Variants in TMEM132B observed in about 807,000 individuals in gnomAD.
The protein encoded by TMEM132B is transmembrane protein 132B.
A neutral mutation model predicts 90.8 loss-of-function variants in TMEM132B; 18 were observed. The observed-to-expected ratio is 0.20, with a 90% confidence interval of 0.14 to 0.29. The LOEUF (loss-of-function observed/expected upper bound fraction) is 0.29. Ranked by LOEUF, TMEM132B falls within the 10% of genes least tolerant of loss-of-function variation. The probability of loss-of-function intolerance (pLI) is 1.00; values close to 1 mark genes in which losing one functional copy is unlikely to be tolerated. For missense variants in TMEM132B, 1,096 were observed against 1,326.8 expected, an observed-to-expected ratio of 0.83 and a Z score of 2.70; for synonymous variants, 504 against 523.3, an observed-to-expected ratio of 0.96 and a Z score of 0.50.
intron 1 of TMEM132B, among the ~76,000 whole-genome samples, chr12:125,248,435 G>GT (rs1313513226): frequency 6.6e-6 from 1 of 152,104 alleles, no homozygotes; most frequent in Non-Finnish European, 1.5e-5. Context: ...TTTTAGATAG[G>GT]TTACCAGGGG....
chr12:125,423,019 A>C (rs900599212), intron 3 of TMEM132B, among the ~76,000 whole-genome samples: 1 of 152,170 alleles, frequency 6.6e-6, no homozygotes, highest in South Asian at 2.1e-4. Flanking sequence ...CCCATCAGTC[A>C]CCTGGGAGTC....
intron 4 of TMEM132B, among the ~76,000 whole-genome samples, chr12:125,528,960 C>CCT (rs113098770): frequency 0.045 from 5,669 of 126,590 alleles, 288 homozygotes; most frequent in African/African-American, 0.13. Flanking sequence ...CTCCTTTCTT[C>CCT]CCCCCTCTTT....
intron 7 of TMEM132B, 141 bp from the exon 8 acceptor site, chr12:125,652,300 C>A: frequency 1.5e-6 from 1 of 683,614 alleles, no homozygotes; most frequent in African/African-American, 1.8e-5. Context: ...TGAACAACGG[C>A]ATAATACTTC....
rs955734810 is a variant in TMEM132B at position 125,460,521 on chromosome 12, A to T, written c.1106+44844A>T. On this transcript the variant is annotated intron_variant, in intron 3 of 8. Transcript: ENST00000682704. The surrounding 1 kb of genome is among the most constrained non-coding windows in gnomAD (Gnocchi z 4.4). ...AAATAAAAAGTAAAAAATAAAAAAA[A>T]ATCTACCAAGAATACATCTTAATTT... Among the ~76,000 whole-genome samples, 5 of 152,142 alleles carry T rather than the reference A, an allele frequency of 3.3e-5. No individual in the cohort carries two copies. The highest frequency in any genetic ancestry group is 7.4e-5 in the Non-Finnish European group (5 of 68,016).
At chr12:125,323,130 C>T (rs561035211) in intron 1 of TMEM132B, among the ~76,000 whole-genome samples, 3 of 152,154 alleles carry the variant, frequency 2.0e-5, no homozygotes, top group Non-Finnish European at 4.4e-5. Flanking sequence ...TGGTTCTAGT[C>T]TTTTGCCACT....
At chr12:125,358,337 C>T (rs1017314360) in intron 2 of TMEM132B, among the ~76,000 whole-genome samples, 1 of 151,994 alleles carries the variant, frequency 6.6e-6, no homozygotes, top group Non-Finnish European at 1.5e-5. Context: ...TCCCTTAATG[C>T]TAATATCTTA....
At chr12:125,243,163 T>A (rs1294168614) in intron 1 of TMEM132B, among the ~76,000 whole-genome samples, 2 of 146,438 alleles carry the variant, frequency 1.4e-5, no homozygotes, top group Admixed American at 1.4e-4. Context: ...TTTTTTTTTT[T>A]ATTGGAATCT....
chr12:125,258,398 G>A (rs1402467419), intron 1 of TMEM132B, among the ~76,000 whole-genome samples: 1 of 152,190 alleles, frequency 6.6e-6, no homozygotes, highest in African/African-American at 2.4e-5. Context: ...TCAATAGCTA[G>A]GGGCAGGAAG....
At chr12:125,298,804 G>A (rs1342182679) in intron 1 of TMEM132B, among the ~76,000 whole-genome samples, 1 of 149,796 alleles carries the variant, frequency 6.7e-6, no homozygotes, top group East Asian at 2.0e-4. Context: ...CGCGATCTCG[G>A]CTCACTGCAA....
Position 125,661,963 on chromosome 12 carries a change from G to T in TMEM132B, c.*7253G>T, listed in dbSNP as rs956419905. ...CTCAAAATTGAAATGTGCATCTTAG[G>T]TATCAGTTCCCAGCCTCAGACTCTT... On this transcript the variant is annotated 3_prime_UTR_variant, in exon 9 of 9. Coordinates refer to ENST00000682704, the MANE Select transcript of TMEM132B (RefSeq NM_001366854.1). 1 of 152,134 alleles carries T rather than the reference G, an allele frequency of 6.6e-6. No homozygotes were observed. Among genetic ancestry groups the T allele is most frequent in the Admixed American group, 6.6e-5 (1 of 15,262 alleles). 9.4% of individuals were successfully genotyped at this position (152,134 alleles called of 1,614,324 possible).
intron 3 of TMEM132B, among the ~76,000 whole-genome samples, chr12:125,466,157 A>G (rs561199007): frequency 6.6e-6 from 1 of 152,312 alleles, no homozygotes; most frequent in Admixed American, 6.5e-5. Context: ...AAAGCATGTC[A>G]TTTCAAGATC....
intron 4 of TMEM132B, among the ~76,000 whole-genome samples, chr12:125,531,588 G>T (rs568668773): frequency 1.3e-5 from 2 of 152,128 alleles, no homozygotes; most frequent in African/African-American, 4.8e-5. Context: ...TATAATTACC[G>T]TTGAGGAAGA....
chr12:125,583,535 CTATGTGTGAGTCTG>C (rs1885104694), intron 4 of TMEM132B, among the ~76,000 whole-genome samples: 1 of 152,070 alleles, frequency 6.6e-6, no homozygotes, highest in Non-Finnish European at 1.5e-5. Context: ...AACTCGTGTG[CTATGTGTGAGTCTG>C]TGGGACTGAG....
intron 1 of TMEM132B, among the ~76,000 whole-genome samples, chr12:125,293,477 G>GT (rs1565994934): frequency 6.6e-6 from 1 of 152,046 alleles, no homozygotes; most frequent in Non-Finnish European, 1.5e-5. Flanking sequence ...AGGCCCCAGC[G>GT]TCTATTGTTT....
chr12:125,281,363 C>T (rs935272081), intron 1 of TMEM132B, among the ~76,000 whole-genome samples: 1 of 152,076 alleles, frequency 6.6e-6, no homozygotes, highest in African/African-American at 2.4e-5. Flanking sequence ...GAAATGTTTC[C>T]CCACACAATT....
At chr12:125,494,438 T>G (rs114727384) in intron 3 of TMEM132B, among the ~76,000 whole-genome samples, 2 of 93,090 alleles carry the variant, frequency 2.1e-5, no homozygotes, top group Non-Finnish European at 2.1e-5. Flanking sequence ...GAAATGGCCG[T>G]GTCCCTCCTC....
At chr12:125,551,144 C>T (rs1884219998) in intron 4 of TMEM132B, among the ~76,000 whole-genome samples, 1 of 152,178 alleles carries the variant, frequency 6.6e-6, no homozygotes, top group Admixed American at 6.5e-5. Context: ...TATTCTTGGG[C>T]CTTGTTGCCA....
chr12:125,341,367 C>T (rs1315138570), intron 1 of TMEM132B, among the ~76,000 whole-genome samples: 1 of 152,126 alleles, frequency 6.6e-6, no homozygotes, highest in African/African-American at 2.4e-5. Flanking sequence ...GGTGTTTGAT[C>T]TATTACAAGG....
intron 1 of TMEM132B, among the ~76,000 whole-genome samples, chr12:125,275,895 G>A (rs770846348): frequency 2.9e-4 from 44 of 152,066 alleles, no homozygotes; most frequent in Non-Finnish European, 5.7e-4. Flanking sequence ...TTAAGTTTTT[G>A]TAGAAATGGG....
Sources: allele counts gnomAD v4.1 joint callset (sites outside exome capture counted in the v4.1 genomes callset), GRCh38; gene constraint gnomAD v4.1.1; non-coding constraint Gnocchi (gnomAD v3.1); transcripts MANE v1.5; gene names NCBI Gene and HGNC (gene_info 2026-07-23, HGNC 2026-07-21).